NFX1: variants seen among roughly 807,000 people sequenced by gnomAD.
The protein encoded by NFX1 is nuclear transcription factor, X-box binding 1.
In NFX1, 69 loss-of-function variants were observed where a neutral mutation model predicts 137.2. The observed-to-expected ratio is 0.50, with a 90% CI of 0.41 to 0.61. The LOEUF is 0.61. NFX1 is among the 20% of genes least tolerant of loss of function. The pLI is 0.00. For synonymous variants in NFX1, 495 were observed against 474.1 expected (o/e 1.04, Z -0.57); for missense variants, 1,167 against 1,391.0 (o/e 0.84, Z 2.56).
At chr9:33,359,361 G>T (rs12236764) in intron 19 of NFX1, among the ~76,000 whole-genome samples, 1 of 152,056 alleles carries the variant, frequency 6.6e-6, no homozygotes, top group Non-Finnish European at 1.5e-5. Flanking sequence ...CACTTTGGGA[G>T]ACTGAGGCGG....
intron 2 of NFX1, among the ~76,000 whole-genome samples, chr9:33,298,381 G>T (rs548164580): frequency 1.3e-5 from 2 of 152,332 alleles, no homozygotes; most frequent in South Asian, 4.1e-4. Flanking sequence ...CAGAGAAATA[G>T]CAAGGGCTGG....
chr9:33,342,976 A>T, intron 13 of NFX1, 122 bp downstream of exon 13: 1 of 665,234 alleles, frequency 1.5e-6, no homozygotes, highest in African/African-American at 1.8e-5. Flanking sequence ...CGTATTTCCA[A>T]TATGTTGAGA....
rs146747849 is a variant in NFX1, at chr9:33,333,190, T to C, written c.2035+688T>C. Among the ~76,000 whole-genome samples, 355 of 152,292 alleles carry C rather than the reference T, an allele frequency of 2.3e-3. 1 individual carries two copies. Among genetic ancestry groups the C allele is most frequent in the African/African-American group, 8.4e-3 (349 of 41,580 alleles). ...CGACACATACTGTTGTTGAAGCCAT[T>C]TTAAAACCTTTTTGGAAAAGTGATG... On this transcript the variant is annotated intron_variant, in intron 11 of 23. Transcript: ENST00000379540.
Position 33,344,093 on chromosome 9 carries a change from G to A in NFX1, c.2249G>A (p.Cys750Tyr). The A allele has an allele frequency of 6.2e-7, 1 of 1,614,076 alleles. No homozygotes were observed. Among genetic ancestry groups the A allele is most frequent in the Non-Finnish European group, 8.5e-7 (1 of 1,179,962 alleles). Residue 750 changes from cysteine (C) to tyrosine (Y), a missense_variant, in exon 14 of 24, where the codon TGT becomes TAT. This residue lies in a region of NFX1 where 488 missense variants were observed against 691.5 expected (regional missense o/e 0.71). Coordinates refer to ENST00000379540, the MANE Select transcript of NFX1 (RefSeq NM_002504.6). ...GGTTTTGATGAATTAACCTGCCATT[G>A]TGGTGCATCAGTGATTTACCCTCCA... ...QASFDELTCH[C>Y]GASVIYPPVP...
At chr9:33,322,526 C>T (rs1464995768) in intron 9 of NFX1, among the ~76,000 whole-genome samples, 1 of 152,172 alleles carries the variant, frequency 6.6e-6, no homozygotes, top group Non-Finnish European at 1.5e-5. Flanking sequence ...TGCAGCTGAG[C>T]AGTTAGGGCT....
intron 1 of NFX1, 94 bp downstream of exon 1, chr9:33,290,691 A>C: frequency 8.3e-7 from 1 of 1,204,490 alleles, no homozygotes; most frequent in Non-Finnish European, 1.2e-6. Flanking sequence ...TCATATCGCG[A>C]GAGTAGCACA....
chr9:33,367,755 T>C, intron 23 of NFX1, 136 bp downstream of exon 23: 1 of 720,678 alleles, frequency 1.4e-6, no homozygotes, highest in Non-Finnish European at 2.3e-6. Context: ...AAATATGTAA[T>C]GTTTAGTTAG....
intron 2 of NFX1, 24 bp from the exon 3 acceptor site, chr9:33,301,235 CTTTT>C (rs1416770534): frequency 1.2e-6 from 2 of 1,602,234 alleles, no homozygotes. Context: ...TTGAGTTAAT[CTTTT>C]TTGTTATTTT....
chr9:33,308,074 G>C (rs1177279250), intron 5 of NFX1, among the ~76,000 whole-genome samples: 1 of 151,980 alleles, frequency 6.6e-6, no homozygotes, highest in Non-Finnish European at 1.5e-5. Flanking sequence ...CAACATGCCA[G>C]GATTACTGGT....
chr9:33,300,527 C>T (rs1055985348), intron 2 of NFX1, among the ~76,000 whole-genome samples: 3 of 152,106 alleles, frequency 2.0e-5, no homozygotes, highest in African/African-American at 7.2e-5. Context: ...AAAGCATATA[C>T]ACACACTCAC....
intron 5 of NFX1, among the ~76,000 whole-genome samples, chr9:33,308,060 C>T (rs1821823954): frequency 6.6e-6 from 1 of 152,138 alleles, no homozygotes; most frequent in Admixed American, 6.5e-5. Flanking sequence ...TCTCCTCAGC[C>T]TCCCAACATG....
chr9:33,342,883 G>A (rs777313911), intron 13 of NFX1, 29 bp downstream of exon 13: 11 of 1,467,226 alleles, frequency 7.5e-6, no homozygotes, highest in Non-Finnish European at 9.4e-6. Context: ...TAGTTTATTA[G>A]AAGAGTTTTT....
chr9:33,297,636 C>T (rs1564100275), intron 2 of NFX1, among the ~76,000 whole-genome samples: 1 of 152,142 alleles, frequency 6.6e-6, no homozygotes, highest in Non-Finnish European at 1.5e-5. Flanking sequence ...TGGTAGGATT[C>T]AGTTCCTTAC....
intron 15 of NFX1, among the ~76,000 whole-genome samples, chr9:33,349,238 C>T (rs149222595): frequency 2.6e-5 from 4 of 152,288 alleles, no homozygotes; most frequent in Non-Finnish European, 5.9e-5. Flanking sequence ...CTTATGAAGC[C>T]TTCACTTTGG....
At chr9:33,349,848 A>G (rs562009501) in intron 15 of NFX1, among the ~76,000 whole-genome samples, 20 of 152,236 alleles carry the variant, frequency 1.3e-4, no homozygotes, top group Non-Finnish European at 2.8e-4. Context: ...GTCTCTACAA[A>G]TAATACAAAA....
chr9:33,300,652 A>T (rs1821525183), intron 2 of NFX1, among the ~76,000 whole-genome samples: 1 of 152,192 alleles, frequency 6.6e-6, no homozygotes, highest in Admixed American at 6.5e-5. Flanking sequence ...ATCTGGGAGG[A>T]TTATTCTGAT....
intron 9 of NFX1, among the ~76,000 whole-genome samples, chr9:33,326,882 T>G (rs1822613664): frequency 6.6e-6 from 1 of 152,216 alleles, no homozygotes; most frequent in Non-Finnish European, 1.5e-5. Context: ...AATAGAGCTG[T>G]GTAAGGGTAA....
chr9:33,359,075 C>T (rs534558353), intron 19 of NFX1, among the ~76,000 whole-genome samples: 11 of 152,136 alleles, frequency 7.2e-5, no homozygotes, highest in Middle Eastern at 3.4e-3. Flanking sequence ...TTAGCAACCT[C>T]GCTAAATTCA....
chr9:33,337,560 T>C (rs1173670141), intron 11 of NFX1, among the ~76,000 whole-genome samples: 1 of 152,086 alleles, frequency 6.6e-6, no homozygotes, highest in Non-Finnish European at 1.5e-5. Flanking sequence ...AAGGTGAAAA[T>C]TGATATTTTA....
Sources: gnomAD v4.1 joint callset for allele counts (sites outside exome capture counted in the v4.1 genomes callset) on GRCh38, gnomAD v4.1.1 for gene constraint, gnomAD v4.1.1 regional missense constraint, MANE v1.5 for transcripts, NCBI Gene and HGNC (gene_info 2026-07-23, HGNC 2026-07-21) for gene names.